Variants in ATAD2B observed in about 807,000 individuals in gnomAD.
ATAD2B encodes ATPase family AAA domain containing 2B, also known as ATPase family AAA domain-containing protein 2B.
A neutral mutation model predicts 167.6 loss-of-function variants in ATAD2B; 40 were observed. That is an observed-to-expected ratio of 0.24 (90% CI 0.19 to 0.31). ATAD2B has a LOEUF of 0.31. Ranked by LOEUF, ATAD2B falls within the 10% of genes least tolerant of loss-of-function variation. The probability of loss-of-function intolerance (pLI) is 1.00; values close to 1 mark genes in which losing one functional copy is unlikely to be tolerated. For missense variants in ATAD2B, 1,242 were observed against 1,757.2 expected, an observed-to-expected ratio of 0.71 and a Z score of 5.24; for synonymous variants, 579 against 596.5, an observed-to-expected ratio of 0.97 and a Z score of 0.43.
At chr2:23,909,649 G>A (rs576554758) in intron 1 of ATAD2B, among the ~76,000 whole-genome samples, 17 of 151,974 alleles carry the variant, frequency 1.1e-4, no homozygotes, top group Admixed American at 2.0e-4. Flanking sequence ...GTTATCCCTC[G>A]GAAGAACAAA....
chr2:23,818,330 GAC>G (rs1686899455), intron 17 of ATAD2B, among the ~76,000 whole-genome samples: 1 of 127,316 alleles, frequency 7.9e-6, no homozygotes, highest in Admixed American at 8.7e-5. Flanking sequence ...GAGACAGAGA[GAC>G]ACAGACGCAC....
At chr2:23,922,933 T>C (rs1704172755) in intron 1 of ATAD2B, among the ~76,000 whole-genome samples, 1 of 152,170 alleles carries the variant, frequency 6.6e-6, no homozygotes, top group South Asian at 2.1e-4. Context: ...GCAGCCACTA[T>C]GGAAAACAGT....
At chr2:23,824,186 T>A (rs138515185) in intron 15 of ATAD2B, among the ~76,000 whole-genome samples, 6,475 of 152,300 alleles carry the variant, frequency 0.043, 199 homozygotes, top group Middle Eastern at 0.085. Context: ...GGTCTCAAAC[T>A]CCTGGGCTCA....
chr2:23,927,069 C>T lies in ATAD2B; in HGVS notation c.-299G>A, dbSNP rs1221370351. 3 of 364,492 alleles carry T rather than the reference C, an allele frequency of 8.2e-6. No individual in the cohort carries two copies. The highest frequency in any genetic ancestry group is 9.5e-5 in the East Asian group (2 of 20,982). 22.6% of individuals were successfully genotyped at this position (364,492 alleles called of 1,614,324 possible). On this transcript the variant is annotated 5_prime_UTR_variant, in exon 1 of 28. Transcript: ENST00000238789. ...CCGCCATTTCTACCCCTTTCTCTCC[C>T]GTTCTCGCTCTCGAGCTCCGTGCGT...
intron 18 of ATAD2B, among the ~76,000 whole-genome samples, chr2:23,804,501 C>A (rs187604257): frequency 6.6e-6 from 1 of 152,098 alleles, no homozygotes; most frequent in East Asian, 1.9e-4. Flanking sequence ...AAGTGAAATA[C>A]AACCAAAATG....
chr2:23,760,325 G>A (rs1676490032), intron 24 of ATAD2B, among the ~76,000 whole-genome samples: 1 of 152,150 alleles, frequency 6.6e-6, no homozygotes, highest in Non-Finnish European at 1.5e-5. Flanking sequence ...TACCTGGCAT[G>A]TGGCAAGAGT....
the ATAD2B span, among the ~76,000 whole-genome samples, chr2:23,687,539 A>C: frequency 6.6e-6 from 1 of 152,216 alleles, no homozygotes; most frequent in South Asian, 2.1e-4. Flanking sequence ...GCCGGGGCTC[A>C]CACCAAACAC....
intron 13 of ATAD2B, 70 bp from the exon 14 acceptor site, chr2:23,834,148 C>CTTTTTT: frequency 8.8e-6 from 1 of 113,986 alleles, no homozygotes; most frequent in South Asian, 2.8e-4. Context: ...GTTTATCAGT[C>CTTTTTT]TTTCTTTTTT....
chr2:23,725,092 A>G, the ATAD2B span, among the ~76,000 whole-genome samples: 1 of 151,714 alleles, frequency 6.6e-6, no homozygotes, highest in Admixed American at 6.6e-5. Context: ...TGCATTATAT[A>G]TAAATCATAA....
chr2:23,792,416 G>T (rs1681897396), intron 19 of ATAD2B, among the ~76,000 whole-genome samples: 6 of 150,742 alleles, frequency 4.0e-5, no homozygotes, highest in Admixed American at 6.6e-5. Context: ...TGAAGGTAGG[G>T]TTCCTGCAAC....
chr2:23,825,717 C>T (rs1688145496), intron 15 of ATAD2B, among the ~76,000 whole-genome samples: 1 of 152,012 alleles, frequency 6.6e-6, no homozygotes, highest in African/African-American at 2.4e-5. Flanking sequence ...AGGATATACA[C>T]AGTTAATGAA....
chr2:23,907,124 C>T (rs897475707), intron 1 of ATAD2B, among the ~76,000 whole-genome samples: 6 of 151,012 alleles, frequency 4.0e-5, no homozygotes, highest in Admixed American at 6.6e-5. Context: ...CCAGGGCAAT[C>T]AGGCAGGAGA....
chr2:23,792,604 T>C (rs75420346), intron 19 of ATAD2B, among the ~76,000 whole-genome samples: 2 of 152,102 alleles, frequency 1.3e-5, no homozygotes, highest in Non-Finnish European at 2.9e-5. Context: ...TAAATAAAAA[T>C]AGAAATAGTT....
At chr2:23,766,670 T>C (rs1441840236) in intron 22 of ATAD2B, among the ~76,000 whole-genome samples, 1 of 152,124 alleles carries the variant, frequency 6.6e-6, no homozygotes, top group African/African-American at 2.4e-5. Flanking sequence ...ATATCAACTT[T>C]CAAGGACTTT....
intron 22 of ATAD2B, among the ~76,000 whole-genome samples, chr2:23,768,097 C>T (rs1452671836): frequency 6.6e-6 from 1 of 152,130 alleles, no homozygotes; most frequent in Non-Finnish European, 1.5e-5. Flanking sequence ...CTGTAATCTG[C>T]ATTATTAACA....
chr2:23,788,478 C>T, intron 20 of ATAD2B, 34 bp downstream of exon 20: 1 of 1,602,672 alleles, frequency 6.2e-7, no homozygotes, highest in Non-Finnish European at 8.5e-7. Flanking sequence ...TAACTCCATC[C>T]CTCCCATTTT....
chr2:23,682,423 AC>A, the ATAD2B span, among the ~76,000 whole-genome samples: 1 of 152,110 alleles, frequency 6.6e-6, no homozygotes, highest in Non-Finnish European at 1.5e-5. The surrounding 1 kb of genome is among the most constrained non-coding windows in gnomAD (Gnocchi z 4.1). Flanking sequence ...AACTCTCTGC[AC>A]GGCGCTATCT....
intron 17 of ATAD2B, among the ~76,000 whole-genome samples, chr2:23,818,407 C>A (rs1686928892): frequency 1.5e-5 from 2 of 133,628 alleles, no homozygotes; most frequent in African/African-American, 2.8e-5. Context: ...CCATAACTAT[C>A]AATAAAACAA....
In ATAD2B at chr2:23,798,188, T is replaced by C. The variant is rs769973273; in HGVS notation, c.2590A>G (p.Ile864Val). 74 of 1,603,916 alleles carry C rather than the reference T, an allele frequency of 4.6e-5. 1 individual carries two copies. The Admixed American group carries it at 1.2e-3, about 26-fold the overall frequency. The change falls in exon 19 of 28, where the codon ATA (isoleucine) becomes GTA (valine). Residue 864 changes from isoleucine to valine, a missense_variant. This residue lies in a region of ATAD2B where 34 missense variants were observed against 101.1 expected (regional missense o/e 0.34). Coordinates refer to ENST00000238789, the MANE Select transcript of ATAD2B (RefSeq NM_017552.4). ...GTTTCAGAGGTAGACAATAAAAATATAGGTGAAAATGATGGTATATCTTGT... is the reference window on the plus strand; with the variant it reads ...GTTTCAGAGGTAGACAATAAAAATACAGGTGAAAATGATGGTATATCTTGT... ...LLQDIPSFSP[I>V]FLLSTSETMY...
Sources: allele counts gnomAD v4.1 joint callset (sites outside exome capture counted in the v4.1 genomes callset), GRCh38; gene constraint gnomAD v4.1.1; regional missense constraint gnomAD v4.1.1; non-coding constraint Gnocchi (gnomAD v3.1); transcripts MANE v1.5; gene names NCBI Gene and HGNC (gene_info 2026-07-23, HGNC 2026-07-21).